CNOT1: variants seen among roughly 807,000 people sequenced by gnomAD.
CNOT1 encodes CCR4-NOT transcription complex subunit 1.
Under a neutral mutation model 273.8 loss-of-function variants are expected in CNOT1, and 15 were observed. The ratio of observed to expected loss-of-function variants is 0.05; its 90% confidence interval spans 0.04 to 0.08. The LOEUF (loss-of-function observed/expected upper bound fraction) is 0.08, where lower values mean the gene tolerates loss of function less well. Ranked by LOEUF, CNOT1 falls within the 10% of genes least tolerant of loss-of-function variation. The pLI is 1.00. For missense variants in CNOT1, 1,644 were observed against 2,912.2 expected (o/e 0.56, Z 10.02); for synonymous variants, 1,022 against 1,005.5 (o/e 1.02, Z -0.31).
rs550434298 is a variant in CNOT1, at chr16:58,566,920, C to T, written c.1980-6558G>A. On this transcript the variant is annotated intron_variant, in intron 16 of 48. Transcript: ENST00000317147. The stretch of plus-strand genomic sequence containing the variant: ...TGCTGGGATTACAGCTGTGAGCCAC[C>T]GCGCCCAGCCTAGTATCATTGGTTT... 3.9e-5 allele frequency among the ~76,000 whole-genome samples: 6 copies of T among 152,178 alleles called. No homozygotes were observed. In the South Asian group the frequency reaches 6.2e-4, roughly 16 times the overall value.
In CNOT1 at chr16:58,575,067, A is replaced by T. The variant is rs2041411853; in HGVS notation, c.1767T>A (p.Ala589=). 1 of 1,614,062 alleles carries T rather than the reference A, an allele frequency of 6.2e-7. No individual in the cohort carries two copies. The highest frequency in any genetic ancestry group is 1.3e-5 in the African/African-American group (1 of 74,932). Residue 589 remains alanine, a synonymous_variant, in exon 15 of 49, where the codon GCT becomes GCA. Coordinates refer to ENST00000317147, the MANE Select transcript of CNOT1 (RefSeq NM_016284.5). ...FAFVIDLAAL[A]SRREYLKLDK... is the part of the protein sequence containing the mutation. Reference sequence around the variant, plus strand: ...CAAGTTTGAGGTATTCACGACGTGAAGCAAGTGCAGCAAGGTCAATAACAA... The same window carrying T: ...CAAGTTTGAGGTATTCACGACGTGATGCAAGTGCAGCAAGGTCAATAACAA...
At position 58,585,432 on chromosome 16, in the gene CNOT1, T is replaced by C. The variant is rs780429230; in HGVS notation, c.712A>G (p.Arg238Gly). The C allele has an allele frequency of 4.3e-6, 7 of 1,613,880 alleles. No individual in the cohort carries two copies. In the Admixed American group the frequency reaches 5.0e-5, roughly 12 times the overall value. Reference protein sequence around the residue: ...YPEKRDILMDRILPDSGGVAK... With the variant: ...YPEKRDILMDGILPDSGGVAK... ...ACCCCTCCGGAATCAGGCAGGATCC[T>C]GTCCATTAGAATGTCCCGTTTTTCA... The change falls in exon 8 of 49, where the codon AGG becomes GGG. Residue 238 changes from arginine (R) to glycine (G), a missense_variant. By Grantham distance (125) the Arg-to-Gly change is moderately radical (BLOSUM62 -2). Around this residue, in one of 13 missense-constraint regions of CNOT1, gnomAD observed 706 missense variants for 1,021.2 expected, o/e 0.69. Transcript: ENST00000317147.
rs780287321 is a variant in CNOT1 at position 58,520,947 on chromosome 16, T to C, written c.*11A>G. The C allele has an allele frequency of 7.4e-6, 12 of 1,612,230 alleles. No individual in the cohort carries two copies. Among genetic ancestry groups the C allele is most frequent in the Admixed American group, 6.7e-5 (4 of 59,996 alleles). ...TCTAGACTGACACGTACAACAGAGATGCAGTTTCGTCTAACTGGCACCTGT... is the reference window on the plus strand; with the variant it reads ...TCTAGACTGACACGTACAACAGAGACGCAGTTTCGTCTAACTGGCACCTGT... On this transcript the variant is annotated 3_prime_UTR_variant, in exon 49 of 49. Coordinates refer to ENST00000317147, the MANE Select transcript of CNOT1 (RefSeq NM_016284.5).
chr16:58,541,749 T>A, intron 33 of CNOT1, 129 bp from the exon 34 acceptor site: 1 of 845,456 alleles, frequency 1.2e-6, no homozygotes, highest in Non-Finnish European at 1.9e-6. Context: ...ACAGCATGAT[T>A]AAGCATGCAC....
chr16:58,557,804 T>C (rs8053455), intron 18 of CNOT1, among the ~76,000 whole-genome samples: 114,546 of 151,986 alleles, frequency 0.75, 43,572 homozygotes, highest in Middle Eastern at 0.86. Context: ...GCCTGGCCAA[T>C]ATGGTGAAAC....
intron 38 of CNOT1, 85 bp downstream of exon 38, chr16:58,537,806 T>C (rs1291352054): frequency 1.3e-6 from 2 of 1,539,668 alleles, no homozygotes; most frequent in African/African-American, 2.7e-5. Flanking sequence ...TTATAACAAG[T>C]AATGTTAGTA....
In CNOT1 at chr16:58,528,581, C is replaced by A; in HGVS notation, c.6347G>T (p.Gly2116Val). Reference sequence around the variant, plus strand: ...ATTAGGTGGGATCACATCACAGAACCCATAATGGTAATCACAAAGGAACTC... The same window carrying A: ...ATTAGGTGGGATCACATCACAGAACACATAATGGTAATCACAAAGGAACTC... The part of the protein sequence containing the change: ...FPEFLCDYHY[G>V]FCDVIPPNCI... Residue 2116 changes from glycine (G) to valine (V), a missense_variant, in exon 44 of 49, where the codon GGG becomes GTG. Physicochemically the swap from Gly to Val is moderately radical, Grantham distance 109. Coordinates refer to ENST00000317147, the MANE Select transcript of CNOT1 (RefSeq NM_016284.5). The A allele has an allele frequency of 1.2e-6, 2 of 1,613,314 alleles. No individual in the cohort carries two copies. The highest frequency in any genetic ancestry group is 1.7e-6 in the Non-Finnish European group (2 of 1,179,380).
chr16:58,535,606 T>C (rs1268129478), intron 39 of CNOT1, among the ~76,000 whole-genome samples: 1 of 152,182 alleles, frequency 6.6e-6, no homozygotes, highest in East Asian at 1.9e-4. Flanking sequence ...AATCAGACTA[T>C]AAAACATGCA....
At chr16:58,622,812 A>C (rs2043401482) in intron 1 of CNOT1, among the ~76,000 whole-genome samples, 1 of 149,916 alleles carries the variant, frequency 6.7e-6, no homozygotes, top group South Asian at 2.1e-4. Flanking sequence ...GCACCACTGC[A>C]CTCTAACCCA....
Position 58,585,524 on chromosome 16 carries a change from T to A in CNOT1, c.638-18A>T, listed in dbSNP as rs767007147. 21 of 1,608,808 alleles carry A rather than the reference T, an allele frequency of 1.3e-5. No individual in the cohort carries two copies. In the African/African-American group the frequency reaches 2.3e-4, roughly 17 times the overall value. ...GGGAAAATCTGAGAGAGGAAAAAGG[T>A]TACAACTGCTATACTAATTAAAAAC... is the stretch of plus-strand genomic sequence containing the variant. On this transcript the variant is annotated intron_variant, in intron 7 of 48. Coordinates refer to ENST00000317147, the MANE Select transcript of CNOT1 (RefSeq NM_016284.5).
intron 18 of CNOT1, 71 bp from the exon 19 acceptor site, chr16:58,557,064 T>A: frequency 1.2e-5 from 18 of 1,543,334 alleles, no homozygotes; most frequent in Admixed American, 2.0e-5. Flanking sequence ...ATCTCAGATA[T>A]ATTAATAAGA....
intron 2 of CNOT1, among the ~76,000 whole-genome samples, chr16:58,595,003 T>C (rs956405185): frequency 3.3e-5 from 5 of 150,430 alleles, no homozygotes; most frequent in African/African-American, 9.8e-5. Flanking sequence ...CAATCTCAGC[T>C]ACTTGGGAGG....
intron 1 of CNOT1, among the ~76,000 whole-genome samples, chr16:58,626,499 T>C (rs1196454980): frequency 6.7e-6 from 1 of 149,270 alleles, no homozygotes; most frequent in African/African-American, 2.5e-5. Context: ...CGGTCACTCA[T>C]GCCTGTAATC....
chr16:58,562,238 C>A (rs1326865702), intron 16 of CNOT1, among the ~76,000 whole-genome samples: 1 of 150,858 alleles, frequency 6.6e-6, no homozygotes, highest in East Asian at 1.9e-4. Context: ...GTGGCTTACA[C>A]CTGTAATCCC....
intron 16 of CNOT1, among the ~76,000 whole-genome samples, chr16:58,572,454 G>A (rs866754429): frequency 6.6e-6 from 1 of 152,190 alleles, no homozygotes; most frequent in Middle Eastern, 3.4e-3. Context: ...GGGCAAGACA[G>A]TGAAATCCTG....
intron 16 of CNOT1, among the ~76,000 whole-genome samples, chr16:58,563,206 C>A (rs1446554485): frequency 2.6e-5 from 4 of 152,110 alleles, no homozygotes; most frequent in Non-Finnish European, 5.9e-5. Context: ...CAATGGTTGT[C>A]CCACATATTA....
rs774682913 is a variant in CNOT1, at chr16:58,520,956, G to A, written c.*2C>T. 47 of 1,612,986 alleles carry A rather than the reference G, an allele frequency of 2.9e-5. No individual in the cohort carries two copies. The highest frequency in any genetic ancestry group is 6.7e-5 in the East Asian group (3 of 44,900). Reference sequence around the variant, plus strand: ...ACACGTACAACAGAGATGCAGTTTCGTCTAACTGGCACCTGTCCCTTCCAT... The same window carrying A: ...ACACGTACAACAGAGATGCAGTTTCATCTAACTGGCACCTGTCCCTTCCAT... On this transcript the variant is annotated 3_prime_UTR_variant, in exon 49 of 49. Transcript: ENST00000317147.
chr16:58,578,990 GATTA>G lies in CNOT1; in HGVS notation c.1344-55_1344-52del, dbSNP rs778332920. On this transcript the variant is annotated intron_variant, in intron 12 of 48. Transcript: ENST00000317147. ...TTATCAATGAAAATCCAAGTATACA[GATTA>G]ATTTTCAAAATAAGTGATACCAGCT... 3 of 1,585,536 alleles carry G rather than the reference GATTA, an allele frequency of 1.9e-6. No individual in the cohort carries two copies. The East Asian group carries it at 6.8e-5, about 36-fold the overall frequency.
chr16:58,567,551 C>CAAAAA (rs35372389), intron 16 of CNOT1, among the ~76,000 whole-genome samples: 1 of 111,668 alleles, frequency 9.0e-6, no homozygotes, highest in Non-Finnish European at 1.8e-5. Context: ...GACATCATCT[C>CAAAAA]AAAAAAAAAA....
Sources: allele counts gnomAD v4.1 joint callset (sites outside exome capture counted in the v4.1 genomes callset), GRCh38; gene constraint gnomAD v4.1.1; regional missense constraint gnomAD v4.1.1; transcripts MANE v1.5; gene names NCBI Gene and HGNC (gene_info 2026-07-23, HGNC 2026-07-21).